The following NSMCE1 variants were observed in gnomAD, a reference collection of about 807,000 sequenced individuals.
NSMCE1 encodes the protein non-structural maintenance of chromosomes element 1 homolog.
In NSMCE1, 18 loss-of-function variants were observed where a neutral mutation model predicts 29.6. The ratio of observed to expected loss-of-function variants is 0.61; its 90% confidence interval spans 0.42 to 0.90. NSMCE1 has a LOEUF of 0.90. Among genes scored for constraint, NSMCE1 ranks in the 40% least tolerant of loss-of-function variants. NSMCE1 has a pLI of 0.00. For missense variants in NSMCE1, 314 were observed against 343.6 expected, an observed-to-expected ratio of 0.91 and a Z score of 0.68; for synonymous variants, 124 against 133.4, an observed-to-expected ratio of 0.93 and a Z score of 0.49.
Position 27,232,286 on chromosome 16 carries a change from C to G in NSMCE1, c.483+715G>C, listed in dbSNP as rs1567273179. Among the ~76,000 whole-genome samples the G allele has an allele frequency of 6.6e-6, 1 of 152,192 alleles. No individual in the cohort carries two copies. Among genetic ancestry groups the G allele is most frequent in the Non-Finnish European group, 1.5e-5 (1 of 68,040 alleles). ...TCGGCAAACACTGAGCTGTTGAAAA[C>G]AGGGGTGCCTTTTGTGGAAAAAGAA... On this transcript the variant is annotated intron_variant, in intron 5 of 7. Coordinates refer to ENST00000361439, the MANE Select transcript of NSMCE1 (RefSeq NM_145080.4). This position sits in a 1 kb window ranked among gnomAD's most constrained non-coding sequence, Gnocchi z 4.5.
chr16:27,227,167 GC>G (rs1316808505), intron 5 of NSMCE1, among the ~76,000 whole-genome samples: 1 of 152,236 alleles, frequency 6.6e-6, no homozygotes, highest in Non-Finnish European at 1.5e-5. Context: ...GGACGCTGAG[GC>G]CCACAAGGGG....
intron 2 of NSMCE1, among the ~76,000 whole-genome samples, chr16:27,238,149 T>C (rs552251360): frequency 6.6e-6 from 1 of 152,328 alleles, no homozygotes; most frequent in African/African-American, 2.4e-5. Flanking sequence ...CGTGGTGGCA[T>C]GGGGCCAGAA....
intron 2 of NSMCE1, among the ~76,000 whole-genome samples, chr16:27,244,811 C>T (rs771399934): frequency 1.3e-5 from 2 of 152,224 alleles, no homozygotes; most frequent in Non-Finnish European, 2.9e-5. Flanking sequence ...ATGCCAGCTC[C>T]CTGAAGGCTG....
intron 2 of NSMCE1, among the ~76,000 whole-genome samples, chr16:27,236,305 T>G (rs2083824404): frequency 6.7e-6 from 1 of 148,224 alleles, no homozygotes; most frequent in Admixed American, 6.7e-5. Context: ...TTTTTTTTTT[T>G]TTTTTTTTTT....
At chr16:27,225,991 C>A (rs948007067) in intron 6 of NSMCE1, 145 bp from the exon 7 acceptor site, 2 of 913,890 alleles carry the variant, frequency 2.2e-6, no homozygotes, top group South Asian at 1.7e-5. Context: ...TAATCCCAAA[C>A]GCCTTAGTGC....
chr16:27,238,939 A>G lies in NSMCE1; in HGVS notation c.137-3640T>C, dbSNP rs1596679292. Among the ~76,000 whole-genome samples the G allele has an allele frequency of 2.0e-5, 3 of 150,400 alleles. No individual in the cohort carries two copies. The East Asian group carries it at 5.9e-4, about 29-fold the overall frequency. Reference sequence around the variant, plus strand: ...GGCTGGAGTGCAGTGGCACAGTCTCAGCTCACAGCAACCTCCACCTCCCAG... The same window carrying G: ...GGCTGGAGTGCAGTGGCACAGTCTCGGCTCACAGCAACCTCCACCTCCCAG... On this transcript the variant is annotated intron_variant, in intron 2 of 7. Transcript: ENST00000361439.
intron 1 of NSMCE1, among the ~76,000 whole-genome samples, chr16:27,263,823 C>T (rs2084190171): frequency 6.6e-6 from 1 of 152,070 alleles, no homozygotes; most frequent in Admixed American, 6.6e-5. Flanking sequence ...GTGACGTCTA[C>T]AAAAAACCTG....
intron 2 of NSMCE1, among the ~76,000 whole-genome samples, chr16:27,251,207 T>TATATATATATA (rs1555477430): frequency 9.9e-5 from 7 of 70,764 alleles, no homozygotes; most frequent in Non-Finnish European, 1.7e-4. Context: ...TATATATATA[T>TATATATATATA]AAAACTCTGT....
At chr16:27,254,314 T>C (rs1226722301) in intron 2 of NSMCE1, among the ~76,000 whole-genome samples, 1 of 152,234 alleles carries the variant, frequency 6.6e-6, no homozygotes, top group Non-Finnish European at 1.5e-5. Context: ...GCCATAACCA[T>C]ATCTAGGTGC....
intron 1 of NSMCE1, chr16:27,268,166 T>G (rs1395823246): frequency 2.0e-5 from 3 of 152,128 alleles, no homozygotes; most frequent in African/African-American, 7.2e-5. Context: ...ACTTTACCTT[T>G]CCAAACTCCG....
chr16:27,240,203 G>A (rs1047668852), intron 2 of NSMCE1, among the ~76,000 whole-genome samples: 7 of 152,116 alleles, frequency 4.6e-5, no homozygotes, highest in Non-Finnish European at 8.8e-5. Context: ...AGACCCCACC[G>A]TCATCTCGTC....
chr16:27,235,375 C>T, intron 2 of NSMCE1, 76 bp from the exon 3 acceptor site: 3 of 1,546,046 alleles, frequency 1.9e-6, no homozygotes, highest in Non-Finnish European at 2.6e-6. Flanking sequence ...TTGAATCATT[C>T]CATCCCATCT....
At chr16:27,259,268 C>T (rs561466980) in intron 1 of NSMCE1, among the ~76,000 whole-genome samples, 3 of 152,172 alleles carry the variant, frequency 2.0e-5, no homozygotes, top group East Asian at 1.9e-4. Flanking sequence ...GTGGACGGTG[C>T]AGTCCACACA....
intron 2 of NSMCE1, among the ~76,000 whole-genome samples, chr16:27,236,641 CACT>C (rs59041824): frequency 0.63 from 95,303 of 151,672 alleles, 31,344 homozygotes; most frequent in East Asian, 0.89. Flanking sequence ...TTATTGTTTT[CACT>C]ACTGTTTTTA....
At chr16:27,240,314 G>C (rs1269030814) in intron 2 of NSMCE1, among the ~76,000 whole-genome samples, 1 of 152,242 alleles carries the variant, frequency 6.6e-6, no homozygotes, top group Non-Finnish European at 1.5e-5. Context: ...GGACACCAGA[G>C]GTGGTACCCA....
chr16:27,254,003 G>A (rs2084059972), intron 2 of NSMCE1, among the ~76,000 whole-genome samples: 1 of 152,116 alleles, frequency 6.6e-6, no homozygotes, highest in African/African-American at 2.4e-5. Context: ...TGATAAACTG[G>A]ACAAACACCC....
intron 5 of NSMCE1, among the ~76,000 whole-genome samples, chr16:27,231,233 A>ATT (rs1353760976): frequency 3.9e-5 from 6 of 152,108 alleles, no homozygotes; most frequent in African/African-American, 1.4e-4. Flanking sequence ...AACCTCATCC[A>ATT]CCTGTCCAGT....
intron 2 of NSMCE1, among the ~76,000 whole-genome samples, chr16:27,249,613 T>A (rs1465991608): frequency 1.1e-4 from 17 of 152,226 alleles, no homozygotes; most frequent in Non-Finnish European, 2.1e-4. Flanking sequence ...CTCTCTTATT[T>A]TTTTCCCTTC....
intron 5 of NSMCE1, among the ~76,000 whole-genome samples, chr16:27,231,739 G>T (rs2083764700): frequency 6.6e-6 from 1 of 152,058 alleles, no homozygotes; most frequent in Admixed American, 6.5e-5. Context: ...GCCAAATACA[G>T]CCTGGAGGGC....
Sources: allele counts gnomAD v4.1 joint callset (sites outside exome capture counted in the v4.1 genomes callset), GRCh38; gene constraint gnomAD v4.1.1; non-coding constraint Gnocchi (gnomAD v3.1); transcripts MANE v1.5; gene names NCBI Gene and HGNC (gene_info 2026-07-23, HGNC 2026-07-21).